MYO3B: variants seen among roughly 807,000 people sequenced by gnomAD.
MYO3B encodes myosin-IIIb.
MYO3B carries 156 observed loss-of-function variants against 174.6 expected under a neutral mutation model. That is an observed-to-expected ratio of 0.89 (90% CI 0.78 to 1.02). MYO3B has a LOEUF of 1.02. Among genes scored for constraint, MYO3B ranks in the 50% least tolerant of loss-of-function variants. MYO3B has a pLI of 0.00. For synonymous variants in MYO3B, 563 were observed against 569.1 expected, an observed-to-expected ratio of 0.99 and a Z score of 0.15; for missense variants, 1,632 against 1,639.4, an observed-to-expected ratio of 1.00 and a Z score of 0.08.
At chr2:170,623,415 G>A (rs911342765) in intron 32 of MYO3B, among the ~76,000 whole-genome samples, 1 of 152,060 alleles carries the variant, frequency 6.6e-6, no homozygotes. Context: ...TTTTTTGATG[G>A]GGTTGTTTGA....
At chr2:170,628,459 G>C (rs1696657172) in intron 32 of MYO3B, among the ~76,000 whole-genome samples, 1 of 152,198 alleles carries the variant, frequency 6.6e-6, no homozygotes, top group Non-Finnish European at 1.5e-5. Flanking sequence ...GCTTTGCTTG[G>C]CTGTGAAAGG....
intron 22 of MYO3B, among the ~76,000 whole-genome samples, chr2:170,417,819 CTT>C (rs2094590759): frequency 1.3e-5 from 2 of 152,232 alleles, no homozygotes; most frequent in South Asian, 4.1e-4. Context: ...CTCATCTAAA[CTT>C]ATTAAATCTA....
At chr2:170,494,981 C>T (rs1315984908) in intron 25 of MYO3B, among the ~76,000 whole-genome samples, 1 of 152,124 alleles carries the variant, frequency 6.6e-6, no homozygotes, top group East Asian at 1.9e-4. Flanking sequence ...GAGTGACTCA[C>T]CCACAGTTAG....
Position 170,251,362 on chromosome 2 carries a change from G to C in MYO3B, c.749+15226G>C, listed in dbSNP as rs140918122. Among the ~76,000 whole-genome samples, 158 of 152,210 alleles carry C rather than the reference G, an allele frequency of 1.0e-3. 2 individuals carry two copies. The East Asian group carries it at 0.023, about 22-fold the overall frequency. Reference sequence around the variant, plus strand: ...CTTGAAGAGATCTGCATTCAATCAAGATTGATTGCAAAATGCACCATTTTT... The same window carrying C: ...CTTGAAGAGATCTGCATTCAATCAACATTGATTGCAAAATGCACCATTTTT... On this transcript the variant is annotated intron_variant, in intron 7 of 34. Transcript: ENST00000408978.
intron 6 of MYO3B, among the ~76,000 whole-genome samples, chr2:170,233,967 C>T (rs978181989): frequency 3.3e-5 from 5 of 151,728 alleles, no homozygotes; most frequent in African/African-American, 4.8e-5. Context: ...GTCAGGAGAT[C>T]GAGACCATCC....
intron 32 of MYO3B, among the ~76,000 whole-genome samples, chr2:170,622,885 C>G (rs916060425): frequency 6.6e-6 from 1 of 152,098 alleles, no homozygotes; most frequent in African/African-American, 2.4e-5. Flanking sequence ...ATCCATGTCC[C>G]TACAAAGGAC....
At chr2:170,408,317 T>C (rs1370934) in intron 22 of MYO3B, among the ~76,000 whole-genome samples, 134,377 of 152,208 alleles carry the variant, frequency 0.88, 59,859 homozygotes, top group Middle Eastern at 0.96. Context: ...GACCCCACCC[T>C]ACCTCTCTCC....
chr2:170,401,129 AAACCTTTT>A (rs1215553574), intron 17 of MYO3B, among the ~76,000 whole-genome samples: 1 of 152,248 alleles, frequency 6.6e-6, no homozygotes, highest in Non-Finnish European at 1.5e-5. Flanking sequence ...AATGAAGTAA[AAACCTTTT>A]TGTGTTAAAA....
At chr2:170,354,716 A>G (rs1259508074) in intron 8 of MYO3B, among the ~76,000 whole-genome samples, 1 of 152,022 alleles carries the variant, frequency 6.6e-6, no homozygotes, top group African/African-American at 2.4e-5. Flanking sequence ...TTATTCAGCA[A>G]ATTAAAGGCT....
chr2:170,439,238 G>A (rs2094781030), intron 22 of MYO3B, among the ~76,000 whole-genome samples: 1 of 151,790 alleles, frequency 6.6e-6, no homozygotes, highest in Non-Finnish European at 1.5e-5. Context: ...CGGGCATGCT[G>A]GTGGGCGCCT....
chr2:170,351,817 G>A (rs1181624509), intron 8 of MYO3B, among the ~76,000 whole-genome samples: 1 of 152,206 alleles, frequency 6.6e-6, no homozygotes, highest in Non-Finnish European at 1.5e-5. Flanking sequence ...AAGGATTAAT[G>A]TAGATAACTA....
At chr2:170,501,985 G>A in intron 28 of MYO3B, 120 bp downstream of exon 28, 1 of 657,044 alleles carries the variant, frequency 1.5e-6, no homozygotes, top group Non-Finnish European at 2.6e-6. Flanking sequence ...AAGAGTTCTG[G>A]GAGACAGGAG....
chr2:170,458,654 C>T (rs1350894113), intron 23 of MYO3B, among the ~76,000 whole-genome samples: 8 of 152,206 alleles, frequency 5.3e-5, no homozygotes, highest in Non-Finnish European at 1.0e-4. Context: ...ACACAACAGC[C>T]TTCTCAGCCC....
At chr2:170,237,472 C>A (rs2105301804) in intron 7 of MYO3B, among the ~76,000 whole-genome samples, 1 of 143,458 alleles carries the variant, frequency 7.0e-6, no homozygotes, top group African/African-American at 2.6e-5. Flanking sequence ...GTATACAGAC[C>A]AGGTGTTCAA....
At chr2:170,326,669 G>C (rs1231546708) in intron 7 of MYO3B, among the ~76,000 whole-genome samples, 1 of 152,204 alleles carries the variant, frequency 6.6e-6, no homozygotes, top group Non-Finnish European at 1.5e-5. Context: ...TATGCGTCCT[G>C]TGTTTGCGTA....
intron 32 of MYO3B, among the ~76,000 whole-genome samples, chr2:170,579,760 A>T (rs1452282661): frequency 6.6e-6 from 1 of 152,236 alleles, no homozygotes; most frequent in Non-Finnish European, 1.5e-5. Context: ...AGCCATTGGC[A>T]CTACCTCCAG....
chr2:170,610,208 C>T (rs7605858), intron 32 of MYO3B, among the ~76,000 whole-genome samples: 12,281 of 151,930 alleles, frequency 0.081, 1,637 homozygotes, highest in African/African-American at 0.28. Flanking sequence ...GGCATGGTGG[C>T]GGGCACTTGT....
intron 16 of MYO3B, among the ~76,000 whole-genome samples, chr2:170,395,841 G>T (rs1320485867): frequency 6.6e-6 from 1 of 152,220 alleles, no homozygotes. Context: ...AGATGCCTGT[G>T]AGCCAGGCCA....
rs532496274 is a variant in MYO3B at position 170,365,980 on chromosome 2, CTT to C, written c.816-3240_816-3239del. 5.3e-5 allele frequency among the ~76,000 whole-genome samples: 8 copies of C among 152,184 alleles called. No homozygotes were observed. The South Asian group carries it at 1.7e-3, about 32-fold the overall frequency. On this transcript the variant is annotated intron_variant, in intron 8 of 34. Coordinates refer to ENST00000408978, the MANE Select transcript of MYO3B (RefSeq NM_138995.5). ...CATCAGCATACAGGGGAGTGAGGCTCTTTGTTTTGCGTTAAATGAAGGTTGCC... is the reference window on the plus strand; with the variant it reads ...CATCAGCATACAGGGGAGTGAGGCTCTGTTTTGCGTTAAATGAAGGTTGCC...
Sources: gnomAD v4.1 joint callset for allele counts (sites outside exome capture counted in the v4.1 genomes callset) on GRCh38, gnomAD v4.1.1 for gene constraint, MANE v1.5 for transcripts, NCBI Gene and HGNC (gene_info 2026-07-23, HGNC 2026-07-21) for gene names.